KCNIP4: variants seen among roughly 807,000 people sequenced by gnomAD.
KCNIP4 encodes Kv channel-interacting protein 4.
KCNIP4 carries 12 observed loss-of-function variants against 34.0 expected under a neutral mutation model. The ratio of observed to expected loss-of-function variants is 0.35; its 90% CI spans 0.23 to 0.57. The LOEUF (loss-of-function observed/expected upper bound fraction) is 0.57, where lower values mean the gene tolerates loss of function less well. KCNIP4 is among the 20% of genes least tolerant of loss of function. The pLI is 0.83. For missense variants in KCNIP4, 238 were observed against 311.7 expected, an observed-to-expected ratio of 0.76 and a Z score of 1.78; for synonymous variants, 124 against 102.2, an observed-to-expected ratio of 1.21 and a Z score of -1.29.
intron 1 of KCNIP4, among the ~76,000 whole-genome samples, chr4:21,515,292 T>A (rs1283612668): frequency 1.3e-5 from 2 of 152,190 alleles, no homozygotes; most frequent in African/African-American, 2.4e-5. Flanking sequence ...ATAGTTTGAA[T>A]GTGCAAAGAT....
intron 1 of KCNIP4, among the ~76,000 whole-genome samples, chr4:21,073,978 G>T (rs914172562): frequency 6.6e-6 from 1 of 152,126 alleles, no homozygotes; most frequent in Non-Finnish European, 1.5e-5. Flanking sequence ...TGCATCCCAG[G>T]GATGAAGCCC....
chr4:21,122,011 G>A (rs1029179422), intron 1 of KCNIP4, among the ~76,000 whole-genome samples: 2 of 152,158 alleles, frequency 1.3e-5, no homozygotes, highest in Admixed American at 1.3e-4. Flanking sequence ...TGAGTTAGGA[G>A]CATCTCCTTC....
At chr4:21,715,780 T>A (rs1381887474) in intron 1 of KCNIP4, among the ~76,000 whole-genome samples, 1 of 152,208 alleles carries the variant, frequency 6.6e-6, no homozygotes. Flanking sequence ...AAAAAAGTTA[T>A]TTTTTCTAAA....
chr4:20,882,501 C>T, intron 2 of KCNIP4, 107 bp downstream of exon 2: 4 of 769,448 alleles, frequency 5.2e-6, no homozygotes, highest in Non-Finnish European at 8.6e-6. Flanking sequence ...CAATAGATTG[C>T]TTTTGTAGAA....
chr4:21,005,745 T>C (rs915332929), intron 1 of KCNIP4, among the ~76,000 whole-genome samples: 18 of 152,142 alleles, frequency 1.2e-4, no homozygotes, highest in Non-Finnish European at 2.4e-4. Context: ...AATGCTTATA[T>C]AGTTTGAATG....
intron 1 of KCNIP4, among the ~76,000 whole-genome samples, chr4:21,392,840 G>A (rs1266211299): frequency 6.6e-6 from 1 of 152,056 alleles, no homozygotes; most frequent in Non-Finnish European, 1.5e-5. Flanking sequence ...ACAAACAAAA[G>A]ACTAACAAAA....
intron 3 of KCNIP4, among the ~76,000 whole-genome samples, chr4:20,837,912 A>ACCTGGCCAC (rs1007936410): frequency 6.6e-6 from 1 of 151,554 alleles, no homozygotes; most frequent in Non-Finnish European, 1.5e-5. Context: ...TTGGTCTTGA[A>ACCTGGCCAC]CATGTGACCT....
intron 1 of KCNIP4, among the ~76,000 whole-genome samples, chr4:21,246,486 T>G (rs749056005): frequency 2.0e-5 from 3 of 152,224 alleles, no homozygotes; most frequent in Non-Finnish European, 1.5e-5. Context: ...AAGAAAATCT[T>G]TGAAGACCTG....
At chr4:21,881,226 A>G (rs1333151593) in intron 1 of KCNIP4, among the ~76,000 whole-genome samples, 1 of 152,152 alleles carries the variant, frequency 6.6e-6, no homozygotes, top group Non-Finnish European at 1.5e-5. Flanking sequence ...GTTTTCCGCT[A>G]AAGACATTAT....
At chr4:20,731,459 A>T (rs1748182489) in intron 8 of KCNIP4, 1 of 985,172 alleles carries the variant, frequency 1.0e-6, no homozygotes, top group African/African-American at 1.7e-5. Context: ...ATAACAGGCT[A>T]CTACCTGGAG....
chr4:21,879,316 A>C (rs1726324478), intron 1 of KCNIP4, among the ~76,000 whole-genome samples: 1 of 152,194 alleles, frequency 6.6e-6, no homozygotes, highest in South Asian at 2.1e-4. Context: ...AAACCAAGCA[A>C]ACCCCATGAA....
chr4:21,088,040 T>C (rs896111465), intron 1 of KCNIP4, among the ~76,000 whole-genome samples: 2 of 152,116 alleles, frequency 1.3e-5, no homozygotes, highest in African/African-American at 4.8e-5. Context: ...TGCTTCTGAG[T>C]TCCAAAAATG....
chr4:21,295,309 G>C (rs1051202179), intron 1 of KCNIP4, among the ~76,000 whole-genome samples: 98 of 152,270 alleles, frequency 6.4e-4, no homozygotes, highest in African/African-American at 2.3e-3. Context: ...CTGGTGCAGA[G>C]CAAAGAGGTG....
intron 1 of KCNIP4, among the ~76,000 whole-genome samples, chr4:21,385,419 T>C (rs1376109900): frequency 1.3e-5 from 2 of 152,088 alleles, no homozygotes; most frequent in Non-Finnish European, 2.9e-5. Context: ...ATGAAGAGTA[T>C]ATAGTACAAT....
chr4:20,743,358 G>T (rs1349210019), intron 5 of KCNIP4, among the ~76,000 whole-genome samples: 1 of 152,248 alleles, frequency 6.6e-6, no homozygotes, highest in East Asian at 1.9e-4. Flanking sequence ...CATGCTGCCT[G>T]ACTTCAAACT....
intron 1 of KCNIP4, among the ~76,000 whole-genome samples, chr4:21,241,698 A>G (rs1178622083): frequency 6.6e-6 from 1 of 152,204 alleles, no homozygotes; most frequent in Non-Finnish European, 1.5e-5. Context: ...TGAAATGGGC[A>G]TTATTTTTAG....
chr4:20,891,402 C>T (rs537429945), intron 1 of KCNIP4, among the ~76,000 whole-genome samples: 20 of 152,100 alleles, frequency 1.3e-4, no homozygotes, highest in African/African-American at 4.3e-4. Flanking sequence ...GTTGGTAGAT[C>T]GAGACCATCC....
chr4:20,866,953 G>C (rs1456629018), intron 2 of KCNIP4, among the ~76,000 whole-genome samples: 1 of 151,980 alleles, frequency 6.6e-6, no homozygotes, highest in Non-Finnish European at 1.5e-5. Flanking sequence ...GCTCACCCAG[G>C]AGGTGAAAGA....
intron 1 of KCNIP4, among the ~76,000 whole-genome samples, chr4:21,444,855 A>T (rs1208342912): frequency 1.3e-5 from 2 of 152,236 alleles, no homozygotes; most frequent in African/African-American, 2.4e-5. Context: ...TGCAGATGAC[A>T]TGATTGTATA....
Sources: gnomAD v4.1 joint callset for allele counts (sites outside exome capture counted in the v4.1 genomes callset) on GRCh38, gnomAD v4.1.1 for gene constraint, MANE v1.5 for transcripts, NCBI Gene and HGNC (gene_info 2026-07-23, HGNC 2026-07-21) for gene names.